Variants in KAZN observed in about 807,000 individuals in gnomAD.
KAZN encodes kazrin.
KAZN carries 40 observed loss-of-function variants against 87.4 expected under a neutral mutation model. The ratio of observed to expected loss-of-function variants is 0.46; its 90% CI spans 0.36 to 0.60. The LOEUF (loss-of-function observed/expected upper bound fraction) is 0.60, where lower values mean the gene tolerates loss of function less well. KAZN is among the 20% of genes least tolerant of loss of function. KAZN has a pLI of 0.00. For missense variants in KAZN, 898 were observed against 1,073.9 expected (o/e 0.84, Z 2.29); for synonymous variants, 466 against 458.3 (o/e 1.02, Z -0.22).
At chr1:14,914,743 T>G (rs575311590) in intron 1 of KAZN, among the ~76,000 whole-genome samples, 4 of 152,158 alleles carry the variant, frequency 2.6e-5, no homozygotes, top group Admixed American at 1.3e-4. Flanking sequence ...CTTTCTAAGT[T>G]TGAATCTTAG....
intron 1 of KAZN, among the ~76,000 whole-genome samples, chr1:14,158,685 G>A (rs1385090008): frequency 1.3e-5 from 2 of 152,078 alleles, no homozygotes; most frequent in Non-Finnish European, 2.9e-5. Flanking sequence ...TCTGGGCATT[G>A]AAGAGTTAGG....
chr1:14,494,740 A>G (rs1669852619), intron 2 of KAZN, among the ~76,000 whole-genome samples: 1 of 152,220 alleles, frequency 6.6e-6, no homozygotes, highest in African/African-American at 2.4e-5. Flanking sequence ...TGCACCCTTC[A>G]GGAGTAAATA....
intron 2 of KAZN, among the ~76,000 whole-genome samples, chr1:14,592,576 T>C (rs1240499228): frequency 6.6e-6 from 1 of 152,182 alleles, no homozygotes; most frequent in Non-Finnish European, 1.5e-5. Flanking sequence ...CATGTGGTCT[T>C]CATCTTCGCT....
intron 1 of KAZN, among the ~76,000 whole-genome samples, chr1:14,799,396 T>A (rs76979993): frequency 0.044 from 6,772 of 152,316 alleles, 315 homozygotes; most frequent in Admixed American, 0.15. Context: ...TGTTCCGCTT[T>A]CACGTTAGCC....
intron 1 of KAZN, among the ~76,000 whole-genome samples, chr1:14,105,343 A>G (rs1349311158): frequency 2.6e-5 from 4 of 152,208 alleles, no homozygotes; most frequent in Non-Finnish European, 4.4e-5. Context: ...GAGTTGGAGT[A>G]TGAGCCATGC....
At chr1:14,580,393 T>C (rs1675468354) in intron 2 of KAZN, among the ~76,000 whole-genome samples, 1 of 152,136 alleles carries the variant, frequency 6.6e-6, no homozygotes, top group African/African-American at 2.4e-5. Context: ...GAGAATTGCT[T>C]GAACCCAGGA....
chr1:14,242,997 TTAAG>T (rs1403170781), intron 2 of KAZN, among the ~76,000 whole-genome samples: 4 of 152,278 alleles, frequency 2.6e-5, no homozygotes, highest in African/African-American at 7.2e-5. Flanking sequence ...AAAATGAAGA[TTAAG>T]TGAGAGCAGC....
At chr1:14,344,397 TAAATA>T (rs1478593557) in intron 2 of KAZN, among the ~76,000 whole-genome samples, 1 of 152,186 alleles carries the variant, frequency 6.6e-6, no homozygotes, top group African/African-American at 2.4e-5. Flanking sequence ...TATATTGTGC[TAAATA>T]AAATATGCTA....
At chr1:13,906,196 G>A (rs1639429903) in intron 1 of KAZN, among the ~76,000 whole-genome samples, 1 of 152,136 alleles carries the variant, frequency 6.6e-6, no homozygotes, top group South Asian at 2.1e-4. Context: ...TTTTGCAGGG[G>A]GCATTTTCAG....
intron 1 of KAZN, among the ~76,000 whole-genome samples, chr1:13,998,978 T>A (rs1639654887): frequency 6.6e-6 from 1 of 152,222 alleles, no homozygotes; most frequent in Non-Finnish European, 1.5e-5. Context: ...AAAACACTCC[T>A]CAGCAAATGC....
At position 14,584,625 on chromosome 1, in the gene KAZN, T is replaced by C. The variant is rs138328966; in HGVS notation, c.250-14358T>C. 9.2e-3 allele frequency among the ~76,000 whole-genome samples: 1,396 copies of C among 151,042 alleles called. 24 individuals carry two copies. Among genetic ancestry groups the C allele is most frequent in the African/African-American group, 0.031 (1,291 of 41,206 alleles). On this transcript the variant is annotated intron_variant, in intron 2 of 16. Coordinates refer to the KAZN transcript ENST00000636203. ...TAAAATCCTACCCCCAGTACCTCAG[T>C]GTGCAATTGCATTTGGAGACAGTCT...
In KAZN at chr1:15,060,277, G is replaced by A. The variant is rs768614439; in HGVS notation, c.1022G>A (p.Arg341Gln). The change falls in exon 6 of 15, where the codon CGA becomes CAA. Residue 341 changes from arginine (R) to glutamine (Q), a missense_variant. By Grantham distance (43) the Arg-to-Gln change is conservative. Transcript: ENST00000376030. ...ACACCGAGCGACATCAACTCCCCTC[G>A]ACACCGGACACACTCCCTCTGCAAC... ...SSTPSDINSP[R>Q]HRTHSLCNGD... The A allele has an allele frequency of 7.4e-6, 12 of 1,614,024 alleles. No individual in the cohort carries two copies. The South Asian group carries it at 8.8e-5, about 12-fold the overall frequency.
intron 13 of KAZN, among the ~76,000 whole-genome samples, chr1:15,109,643 G>A (rs541116081): frequency 0.017 from 1,499 of 86,306 alleles, 10 homozygotes; most frequent in Non-Finnish European, 0.026. Context: ...GTGTATGTGT[G>A]TTTGTATGTT....
At chr1:14,609,079 T>C (rs997503178) in intron 1 of KAZN, among the ~76,000 whole-genome samples, 1 of 152,186 alleles carries the variant, frequency 6.6e-6, no homozygotes, top group Non-Finnish European at 1.5e-5. Flanking sequence ...CAAATGACAC[T>C]TGGGGAAACA....
intron 8 of KAZN, among the ~76,000 whole-genome samples, chr1:15,071,551 A>C (rs748135690): frequency 6.6e-6 from 1 of 152,210 alleles, no homozygotes; most frequent in Non-Finnish European, 1.5e-5. Flanking sequence ...CACCGCACCC[A>C]GCCTGGGTAT....
At chr1:14,445,617 A>T (rs1666942278) in intron 2 of KAZN, among the ~76,000 whole-genome samples, 1 of 152,102 alleles carries the variant, frequency 6.6e-6, no homozygotes, top group Non-Finnish European at 1.5e-5. Context: ...TTGGTTATGG[A>T]ACACCAACAT....
rs374549605 is a variant in KAZN, at chr1:15,044,067, G to A, written c.634G>A (p.Ala212Thr). 13 of 1,612,758 alleles carry A rather than the reference G, an allele frequency of 8.1e-6. No homozygotes were observed. In the African/African-American group the frequency reaches 1.2e-4, roughly 15 times the overall value. The change falls in exon 4 of 15, where the codon GCC (alanine) becomes ACC (threonine). Residue 212 changes from alanine to threonine, a missense_variant. Ala to Thr is a moderately conservative substitution (Grantham distance 58). Coordinates refer to ENST00000376030, the MANE Select transcript of KAZN (RefSeq NM_201628.3). The stretch of plus-strand genomic sequence containing the variant: ...TGAGAAGTGGGAGCTGCGGCGCCAA[G>A]CCAAGGAGGCCACAGACCACGCCAC... Reference protein sequence around the residue: ...EREKWELRRQAKEATDHATAL... With the variant: ...EREKWELRRQTKEATDHATAL...
At chr1:14,246,239 G>A (rs949805138) in intron 2 of KAZN, among the ~76,000 whole-genome samples, 8 of 152,038 alleles carry the variant, frequency 5.3e-5, no homozygotes, top group Non-Finnish European at 2.9e-5. Flanking sequence ...TTAATACCTG[G>A]GTGATAGGTT....
chr1:14,615,597 G>A (rs1389326682), intron 1 of KAZN, among the ~76,000 whole-genome samples: 2 of 151,498 alleles, frequency 1.3e-5, no homozygotes, highest in African/African-American at 4.9e-5. Context: ...CTGCACTCCA[G>A]TCTGCATGTC....
Sources: allele counts gnomAD v4.1 joint callset (sites outside exome capture counted in the v4.1 genomes callset), GRCh38; gene constraint gnomAD v4.1.1; transcripts MANE v1.5; gene names NCBI Gene and HGNC (gene_info 2026-07-23, HGNC 2026-07-21).